LIN9: variants seen among roughly 807,000 people sequenced by gnomAD.
LIN9 encodes the protein lin-9 DREAM MuvB core complex component.
In LIN9, 18 loss-of-function variants were observed where a neutral mutation model predicts 78.0. The observed-to-expected ratio is 0.23, with a 90% CI of 0.16 to 0.34. The LOEUF (loss-of-function observed/expected upper bound fraction) is 0.34, where lower values mean the gene tolerates loss of function less well. Ranked by LOEUF, LIN9 falls within the 10% of genes least tolerant of loss-of-function variation. The probability of loss-of-function intolerance (pLI) is 1.00; values close to 1 mark genes in which losing one functional copy is unlikely to be tolerated. For missense variants in LIN9, 451 were observed against 644.1 expected, an observed-to-expected ratio of 0.70 and a Z score of 3.25; for synonymous variants, 192 against 215.2, an observed-to-expected ratio of 0.89 and a Z score of 0.94.
At chr1:226,247,227 T>C (rs1172233394) in intron 11 of LIN9, among the ~76,000 whole-genome samples, 2 of 152,162 alleles carry the variant, frequency 1.3e-5, no homozygotes, top group Non-Finnish European at 1.5e-5. Context: ...AAATTCTCAA[T>C]TTTGTCTCAT....
intron 8 of LIN9, among the ~76,000 whole-genome samples, chr1:226,266,621 C>A (rs1289943464): frequency 6.6e-6 from 1 of 151,210 alleles, no homozygotes; most frequent in African/African-American, 2.4e-5. Flanking sequence ...TTCAGAGAAT[C>A]AAAGATTAAT....
Position 226,295,910 on chromosome 1 carries a change from C to G in LIN9, c.196G>C (p.Asp66His), listed in dbSNP as rs550315653. The change falls in exon 4 of 15, where the codon GAT (aspartate) becomes CAT (histidine). Residue 66 changes from aspartate (D) to histidine (H), a missense_variant. By Grantham distance (81) the Asp-to-His change is moderately conservative. Transcript: ENST00000681046. The stretch of plus-strand genomic sequence containing the variant: ...GTATTTATTTGCCTATCATCTTCAT[C>G]AGAAAAAAGTCGACTTCGTTTTGAA... Reference protein sequence around the residue: ...RNSKRSRLFSDEDDRQINTRS... With the variant: ...RNSKRSRLFSHEDDRQINTRS... The G allele has an allele frequency of 1.1e-5, 18 of 1,612,696 alleles. No individual in the cohort carries two copies. The African/African-American group carries it at 2.1e-4, about 19-fold the overall frequency.
chr1:226,292,807 T>C lies in LIN9; in HGVS notation c.264+3035A>G, dbSNP rs181889346. 4.9e-4 allele frequency among the ~76,000 whole-genome samples: 74 copies of C among 152,272 alleles called. 1 individual carries two copies. Among genetic ancestry groups the C allele is most frequent in the African/African-American group, 1.6e-3 (68 of 41,566 alleles). On this transcript the variant is annotated intron_variant, in intron 4 of 14. Coordinates refer to ENST00000681046, the MANE Select transcript of LIN9 (RefSeq NM_001366245.2). ...CTATCTCAACAAAGCTGGTTTTTTT[T>C]CTTTTTAAAGTAGGACTCTGGAGAC...
intron 1 of LIN9, 64 bp from the exon 2 acceptor site, chr1:226,301,269 G>A: frequency 8.0e-7 from 1 of 1,255,036 alleles, no homozygotes; most frequent in Non-Finnish European, 1.1e-6. Context: ...AAAAGACCTT[G>A]GTTTGGGGGT....
At position 226,231,341 on chromosome 1, in the gene LIN9, CTT is replaced by C. The variant is rs1358816419; in HGVS notation, c.*1158_*1159del. ...ACAAAAATTTCAAATGGAAAATAAT[CTT>C]GTTTCAGTTTTATTATACATTAACA... is the stretch of plus-strand genomic sequence containing the variant. On this transcript the variant is annotated 3_prime_UTR_variant, in exon 15 of 15. Transcript: ENST00000681046. The C allele has an allele frequency of 6.6e-6, 1 of 152,402 alleles. No individual in the cohort carries two copies. Among genetic ancestry groups the C allele is most frequent in the Non-Finnish European group, 1.5e-5 (1 of 67,990 alleles). 9.4% of individuals were successfully genotyped at this position (152,402 alleles called of 1,614,324 possible).
intron 1 of LIN9, among the ~76,000 whole-genome samples, chr1:226,306,549 A>G (rs1576369098): frequency 6.6e-6 from 1 of 152,304 alleles, no homozygotes; most frequent in East Asian, 1.9e-4. Context: ...CTCAGGAAAG[A>G]TCTGGGCTGA....
At chr1:226,297,588 T>C in intron 3 of LIN9, 131 bp downstream of exon 3, 1 of 490,344 alleles carries the variant, frequency 2.0e-6, no homozygotes, top group South Asian at 4.6e-5. Context: ...GATCAAACAG[T>C]GCTTAATGAC....
At position 226,266,236 on chromosome 1, in the gene LIN9, G is replaced by T. The variant is rs550836114; in HGVS notation, c.913C>A (p.Pro305Thr). The T allele has an allele frequency of 1.1e-5, 18 of 1,588,152 alleles. No homozygotes were observed. The South Asian group carries it at 1.6e-4, about 14-fold the overall frequency. The change falls in exon 9 of 15, where the codon CCT becomes ACT. Residue 305 changes from proline (P) to threonine (T), a missense_variant. By Grantham distance (38) the Pro-to-Thr change is conservative (BLOSUM62 -1). Coordinates refer to ENST00000681046, the MANE Select transcript of LIN9 (RefSeq NM_001366245.2). ...FMTPPRLHYT[P>T]PLQSPIIDND... ...ACTATAATTGGTGACTGGAGAGGAG[G>T]AGTATAATGTAACCGTGGTGGGGTC...
At chr1:226,251,064 T>C (rs1007321997) in intron 10 of LIN9, 145 bp from the exon 11 acceptor site, 2 of 470,428 alleles carry the variant, frequency 4.3e-6, no homozygotes, top group African/African-American at 4.1e-5. Context: ...ATTGTTTTGG[T>C]TTTTTTTTCT....
Position 226,305,315 on chromosome 1 carries a change from GAA to G in LIN9, c.31+3792_31+3793del, listed in dbSNP as rs111859953. The stretch of plus-strand genomic sequence containing the variant: ...GGAGACCTCGTCTCTACAAAAAAAA[GAA>G]AAAAAAAAAAAAAAAAAAAAAAAAC... On this transcript the variant is annotated intron_variant, in intron 1 of 14. Coordinates refer to ENST00000681046, the MANE Select transcript of LIN9 (RefSeq NM_001366245.2). Among the ~76,000 whole-genome samples, 432 of 77,538 alleles carry G rather than the reference GAA, an allele frequency of 5.6e-3. 3 individuals carry two copies. The highest frequency in any genetic ancestry group is 0.044 in the East Asian group (113 of 2,590). The allele number at this position is 77,538 out of a possible 152,430, so 50.9% of individuals were successfully genotyped here.
chr1:226,295,839 T>A lies in LIN9; in HGVS notation c.264+3A>T. The A allele has an allele frequency of 1.3e-6, 2 of 1,593,818 alleles. No homozygotes were observed. Among genetic ancestry groups the A allele is most frequent in the Non-Finnish European group, 1.7e-6 (2 of 1,166,664 alleles). On this transcript the variant is annotated splice_donor_region_variant and intron_variant, in intron 4 of 14. Transcript: ENST00000681046. ...ATGAAACAAAATTTTAGCACACACA[T>A]ACCTGTGGAACCATTGCAACCCTCT...
intron 6 of LIN9, among the ~76,000 whole-genome samples, chr1:226,279,608 C>CAAA (rs56886138): frequency 5.7e-4 from 37 of 64,832 alleles, no homozygotes; most frequent in African/African-American, 1.2e-3. Flanking sequence ...GCCAAAAATA[C>CAAA]AAAAAAAAAA....
At chr1:226,244,387 G>A (rs1263848366) in intron 11 of LIN9, among the ~76,000 whole-genome samples, 1 of 152,004 alleles carries the variant, frequency 6.6e-6, no homozygotes, top group East Asian at 2.0e-4. Context: ...AGCCGAGATC[G>A]TGCCTCTCCA....
At chr1:226,276,726 A>G (rs994321742) in intron 7 of LIN9, among the ~76,000 whole-genome samples, 1 of 152,138 alleles carries the variant, frequency 6.6e-6, no homozygotes, top group Admixed American at 6.6e-5. Context: ...TTACTAGCCT[A>G]TTCTATCCAC....
chr1:226,245,636 G>A (rs1165539972), intron 11 of LIN9, among the ~76,000 whole-genome samples: 2 of 149,410 alleles, frequency 1.3e-5, no homozygotes, highest in African/African-American at 5.0e-5. Flanking sequence ...CTGCTGGCCA[G>A]GCTGGAGTGC....
Position 226,277,947 on chromosome 1 carries a change from A to G in LIN9, c.525-15T>C, listed in dbSNP as rs1214213492. Reference sequence around the variant, plus strand: ...CAGAAGAACATCTAGAATAAATTATAAAAAACATACAAACTGATAACTACC... The same window carrying G: ...CAGAAGAACATCTAGAATAAATTATGAAAAACATACAAACTGATAACTACC... On this transcript the variant is annotated splice_polypyrimidine_tract_variant and intron_variant, in intron 6 of 14. Transcript: ENST00000681046. 1.3e-6 allele frequency: 2 copies of G among 1,594,096 alleles called. No homozygotes were observed. Among genetic ancestry groups the G allele is most frequent in the Admixed American group, 3.5e-5 (2 of 57,742 alleles).
chr1:226,297,694 A>C (rs753117655), intron 3 of LIN9, 25 bp downstream of exon 3: 1 of 1,454,418 alleles, frequency 6.9e-7, no homozygotes, highest in South Asian at 1.3e-5. Flanking sequence ...ATTATTCTAA[A>C]ATGTAAGAAA....
chr1:226,283,046 C>A (rs909294494), intron 6 of LIN9, among the ~76,000 whole-genome samples: 1 of 152,116 alleles, frequency 6.6e-6, no homozygotes, highest in African/African-American at 2.4e-5. Context: ...AGTCTCAAGT[C>A]CTGGGTTCAA....
At chr1:226,281,882 C>CGG (rs951733282) in intron 6 of LIN9, among the ~76,000 whole-genome samples, 6 of 151,724 alleles carry the variant, frequency 4.0e-5, no homozygotes, top group African/African-American at 1.5e-4. Context: ...TTAGTAGAGA[C>CGG]GGGGTTTCAC....
Sources: allele counts gnomAD v4.1 joint callset (sites outside exome capture counted in the v4.1 genomes callset), GRCh38; gene constraint gnomAD v4.1.1; transcripts MANE v1.5; gene names NCBI Gene and HGNC (gene_info 2026-07-23, HGNC 2026-07-21).